PRR16: variants seen among roughly 807,000 people sequenced by gnomAD.
PRR16 encodes protein Largen.
Under a neutral mutation model 18.2 loss-of-function variants are expected in PRR16, and 6 were observed. The ratio of observed to expected loss-of-function variants is 0.33; its 90% CI spans 0.18 to 0.65. The LOEUF is 0.65. Among genes scored for constraint, PRR16 ranks in the 30% least tolerant of loss-of-function variants. The pLI is 0.74. For synonymous variants in PRR16, 151 were observed against 147.8 expected, an observed-to-expected ratio of 1.02 and a Z score of -0.16; for missense variants, 412 against 376.6, an observed-to-expected ratio of 1.09 and a Z score of -0.78.
At chr5:120,585,346 A>T (rs1342764342) in intron 1 of PRR16, among the ~76,000 whole-genome samples, 1 of 152,178 alleles carries the variant, frequency 6.6e-6, no homozygotes, top group Non-Finnish European at 1.5e-5. Flanking sequence ...ATGGTGGCTC[A>T]TGCCTGTAAT....
At chr5:120,765,334 T>A in the PRR16 span, among the ~76,000 whole-genome samples, 3 of 152,038 alleles carry the variant, frequency 2.0e-5, no homozygotes, top group Non-Finnish European at 4.4e-5. Flanking sequence ...GATTCAAATG[T>A]CCCTTGGAAG....
chr5:120,724,307 C>T, the PRR16 span, among the ~76,000 whole-genome samples: 2 of 152,054 alleles, frequency 1.3e-5, no homozygotes, highest in Non-Finnish European at 1.5e-5. Context: ...CAGCCACAGA[C>T]CAAGCGTTCA....
intron 1 of PRR16, among the ~76,000 whole-genome samples, chr5:120,629,112 T>G (rs909300785): frequency 6.6e-6 from 1 of 152,102 alleles, no homozygotes; most frequent in Admixed American, 6.6e-5. Flanking sequence ...TAGCTCCCAC[T>G]TATGAGTAAG....
intron 1 of PRR16, among the ~76,000 whole-genome samples, chr5:120,631,489 T>G (rs183904684): frequency 1.3e-5 from 2 of 152,092 alleles, no homozygotes; most frequent in Non-Finnish European, 2.9e-5. Context: ...GGTGTTGTTA[T>G]GGGGGCACAA....
At chr5:120,663,686 C>T (rs1472493160) in intron 1 of PRR16, among the ~76,000 whole-genome samples, 2 of 152,126 alleles carry the variant, frequency 1.3e-5, no homozygotes, top group Non-Finnish European at 2.9e-5. Flanking sequence ...AAGCTCTTGC[C>T]TCTCTGTTAT....
At chr5:120,536,361 G>A (rs1048753873) in intron 1 of PRR16, among the ~76,000 whole-genome samples, 26 of 152,118 alleles carry the variant, frequency 1.7e-4, no homozygotes, top group African/African-American at 6.0e-4. Flanking sequence ...ATTTGTGCTG[G>A]TTGTAGTCAC....
the PRR16 span, among the ~76,000 whole-genome samples, chr5:120,694,695 A>G: frequency 6.6e-6 from 1 of 152,060 alleles, no homozygotes; most frequent in Non-Finnish European, 1.5e-5. Flanking sequence ...AAAAAAAAAA[A>G]AAAGAATTCT....
the PRR16 span, among the ~76,000 whole-genome samples, chr5:120,777,844 G>A: frequency 6.6e-6 from 1 of 152,048 alleles, no homozygotes; most frequent in Non-Finnish European, 1.5e-5. Context: ...CGTGCTATAT[G>A]TTTGCATATT....
chr5:120,581,085 C>A (rs1753256016), intron 1 of PRR16, among the ~76,000 whole-genome samples: 1 of 152,170 alleles, frequency 6.6e-6, no homozygotes, highest in Admixed American at 6.5e-5. Flanking sequence ...GGAATAGTTT[C>A]AGAAAGAATG....
the PRR16 span, among the ~76,000 whole-genome samples, chr5:120,745,865 AT>A: frequency 0.014 from 1,826 of 127,446 alleles, 36 homozygotes; most frequent in African/African-American, 0.042. Context: ...CGCCCGGGTA[AT>A]TTTTTTTTTT....
intron 1 of PRR16, among the ~76,000 whole-genome samples, chr5:120,494,402 C>T (rs536208880): frequency 6.6e-6 from 1 of 152,010 alleles, no homozygotes; most frequent in Non-Finnish European, 1.5e-5. Flanking sequence ...TCTCAAACTC[C>T]TGGCCTTAAT....
At chr5:120,710,351 G>T in the PRR16 span, among the ~76,000 whole-genome samples, 1 of 152,014 alleles carries the variant, frequency 6.6e-6, no homozygotes, top group Non-Finnish European at 1.5e-5. Context: ...TCTCGAAGTT[G>T]TTTTTGGTTA....
At chr5:120,683,524 C>T (rs942503646) in intron 1 of PRR16, among the ~76,000 whole-genome samples, 2 of 149,008 alleles carry the variant, frequency 1.3e-5, no homozygotes, top group African/African-American at 4.9e-5. Context: ...AAAAGTGAAA[C>T]TGTATAAACA....
chr5:120,648,583 A>G (rs1027132845), intron 1 of PRR16, among the ~76,000 whole-genome samples: 1 of 152,118 alleles, frequency 6.6e-6, no homozygotes, highest in Admixed American at 6.6e-5. Flanking sequence ...TTTTTAAATG[A>G]ATGACTATTA....
rs1749006537 is a variant in PRR16, at chr5:120,464,368, G to C, written c.-119G>C. On this transcript the variant is annotated 5_prime_UTR_variant, in exon 1 of 2. Transcript: ENST00000407149. ...AGCGCAGCCACTCGCCGCTGCCCAGGGAGCGCCCAAGATGTGGGGGGACCG... is the reference window on the plus strand; with the variant it reads ...AGCGCAGCCACTCGCCGCTGCCCAGCGAGCGCCCAAGATGTGGGGGGACCG... 1 of 1,176,408 alleles carries C rather than the reference G, an allele frequency of 8.5e-7. No homozygotes were observed. The highest frequency in any genetic ancestry group is 1.1e-6 in the Non-Finnish European group (1 of 885,414). The allele number at this position is 1,176,408 out of a possible 1,614,324, so 72.9% of individuals were successfully genotyped here. A position where few individuals can be genotyped will look rare whatever the true frequency, so the allele number is the denominator to read the frequency against.
chr5:120,732,167 A>C, the PRR16 span, among the ~76,000 whole-genome samples: 1 of 152,240 alleles, frequency 6.6e-6, no homozygotes, highest in Non-Finnish European at 1.5e-5. Flanking sequence ...GCACATAGAG[A>C]TATCCTCCTC....
At chr5:120,639,437 G>T (rs1023708159) in intron 1 of PRR16, among the ~76,000 whole-genome samples, 2 of 152,004 alleles carry the variant, frequency 1.3e-5, no homozygotes, top group African/African-American at 4.8e-5. Context: ...AATGTCTGTA[G>T]AAATGATTTT....
At chr5:120,503,300 A>G (rs1167082746) in intron 1 of PRR16, among the ~76,000 whole-genome samples, 1 of 152,148 alleles carries the variant, frequency 6.6e-6, no homozygotes, top group African/African-American at 2.4e-5. Context: ...AATTCTAAAG[A>G]TTTGAAGTTA....
chr5:120,537,148 G>C (rs1751744669), intron 1 of PRR16, among the ~76,000 whole-genome samples: 1 of 152,104 alleles, frequency 6.6e-6, no homozygotes, highest in African/African-American at 2.4e-5. Context: ...CAAGACATGA[G>C]TTTATCTATA....
Sources: gnomAD v4.1 joint callset for allele counts (sites outside exome capture counted in the v4.1 genomes callset) on GRCh38, gnomAD v4.1.1 for gene constraint, MANE v1.5 for transcripts, NCBI Gene and HGNC (gene_info 2026-07-23, HGNC 2026-07-21) for gene names.